The following KRT8 variants were observed in gnomAD, a reference collection of about 807,000 sequenced individuals.
KRT8 encodes keratin 8.
KRT8 carries 24 observed loss-of-function variants against 43.0 expected under a neutral mutation model. The observed-to-expected ratio is 0.56, with a 90% confidence interval of 0.40 to 0.78. KRT8 has a LOEUF of 0.78. Among genes scored for constraint, KRT8 ranks in the 30% least tolerant of loss-of-function variants. The pLI, the probability that KRT8 is intolerant of heterozygous loss-of-function variation, is 0.00. For synonymous variants in KRT8, 214 were observed against 261.2 expected (o/e 0.82, Z 1.74); for missense variants, 492 against 638.4 (o/e 0.77, Z 2.47).
At chr12:52,932,804 AT>A (rs1354931480) in intron 2 of KRT8, among the ~76,000 whole-genome samples, 3 of 151,962 alleles carry the variant, frequency 2.0e-5, no homozygotes, top group African/African-American at 7.3e-5. Flanking sequence ...TGTGTCTATA[AT>A]AAAAAAAAAA....
intron 2 of KRT8, among the ~76,000 whole-genome samples, chr12:52,916,052 C>CA (rs1285143996): frequency 6.6e-6 from 1 of 152,106 alleles, no homozygotes; most frequent in Non-Finnish European, 1.5e-5. Context: ...TGTGATAAGC[C>CA]ACTGGACAGG....
intron 2 of KRT8, among the ~76,000 whole-genome samples, chr12:52,922,334 CCCTGTA>C (rs1368526275): frequency 2.0e-5 from 3 of 151,996 alleles, no homozygotes; most frequent in Non-Finnish European, 4.4e-5. Flanking sequence ...GGCAGGCACT[CCCTGTA>C]CCATAGGTTT....
intron 2 of KRT8, among the ~76,000 whole-genome samples, chr12:52,917,580 A>G (rs2120638921): frequency 6.6e-6 from 1 of 151,734 alleles, no homozygotes; most frequent in Middle Eastern, 3.4e-3. Flanking sequence ...ATGGTGGCAC[A>G]TGCCTGTAAT....
intron 2 of KRT8, among the ~76,000 whole-genome samples, chr12:52,918,200 A>AAGAAGAAGAAGG (rs1565725675): frequency 5.0e-5 from 6 of 121,170 alleles, no homozygotes; most frequent in African/African-American, 2.1e-4. Flanking sequence ...GAAGAAGAAG[A>AAGAAGAAGAAGG]AGAACAAGAA....
chr12:52,942,215 C>T (rs144901103), intron 2 of KRT8, among the ~76,000 whole-genome samples: 3 of 152,250 alleles, frequency 2.0e-5, no homozygotes, highest in Non-Finnish European at 2.9e-5. Flanking sequence ...GCACCTGCTC[C>T]GCCCCAGGCC....
intron 2 of KRT8, among the ~76,000 whole-genome samples, chr12:52,916,356 G>A (rs1328252658): frequency 6.6e-6 from 1 of 152,248 alleles, no homozygotes; most frequent in Non-Finnish European, 1.5e-5. Context: ...AGAACCAACA[G>A]GAGGTGGCAG....
At chr12:52,944,340 C>T (rs1942311923) in intron 2 of KRT8, among the ~76,000 whole-genome samples, 6 of 152,184 alleles carry the variant, frequency 3.9e-5, no homozygotes, top group Admixed American at 3.9e-4. Context: ...AAGCGATTCT[C>T]CCACCTCAAC....
At chr12:52,928,614 A>C (rs1942033379) in intron 2 of KRT8, among the ~76,000 whole-genome samples, 2 of 152,070 alleles carry the variant, frequency 1.3e-5, no homozygotes, top group African/African-American at 4.8e-5. Flanking sequence ...TTAAAAAAAG[A>C]AAGAAAGGGG....
intron 2 of KRT8, chr12:52,949,043 C>G: frequency 4.6e-6 from 4 of 871,244 alleles, no homozygotes; most frequent in Non-Finnish European, 7.4e-6. Context: ...CCTGTGGCTC[C>G]GGCTTCCGAA....
intron 2 of KRT8, among the ~76,000 whole-genome samples, chr12:52,928,978 T>A (rs1005766526): frequency 4.6e-5 from 7 of 152,160 alleles, no homozygotes; most frequent in Admixed American, 3.3e-4. Flanking sequence ...TCTCCTTGCC[T>A]CTACAGCCAA....
At chr12:52,905,303 A>T (rs1941489423), upstream of KRT8, among the ~76,000 whole-genome samples, 1 of 152,154 alleles carries the variant, frequency 6.6e-6, no homozygotes, top group South Asian at 2.1e-4. Flanking sequence ...AGTGAATATG[A>T]AACTGGAAGA....
intron 2 of KRT8, among the ~76,000 whole-genome samples, chr12:52,942,076 C>CTTGA (rs1457108808): frequency 6.6e-6 from 1 of 152,054 alleles, no homozygotes; most frequent in Non-Finnish European, 1.5e-5. Context: ...TAATAATCTC[C>CTTGA]TTGATTATTA....
chr12:52,939,443 G>A (rs1223735267), intron 2 of KRT8, among the ~76,000 whole-genome samples: 1 of 152,100 alleles, frequency 6.6e-6, no homozygotes, highest in African/African-American at 2.4e-5. Context: ...GGTGGAAGGT[G>A]CAGTGAGCTG....
intron 2 of KRT8, among the ~76,000 whole-genome samples, chr12:52,932,509 T>C (rs534743175): frequency 6.6e-6 from 1 of 152,304 alleles, no homozygotes; most frequent in South Asian, 2.1e-4. Flanking sequence ...CCTGTAGGTA[T>C]GTTCTCATCA....
At chr12:52,912,744 A>G (rs899304261) in intron 2 of KRT8, among the ~76,000 whole-genome samples, 2 of 152,204 alleles carry the variant, frequency 1.3e-5, no homozygotes, top group Non-Finnish European at 1.5e-5. Flanking sequence ...TTCCATGGCC[A>G]TGGCCTCCAT....
chr12:52,898,393 C>A (rs1157485629), intron 7 of KRT8, 68 bp downstream of exon 7: 39 of 1,367,508 alleles, frequency 2.9e-5, no homozygotes, highest in Non-Finnish European at 3.7e-5. Context: ...AGCACAGCCC[C>A]CTCCCTGGAG....
At chr12:52,900,469 A>C in intron 4 of KRT8, 119 bp downstream of exon 4, 1 of 744,378 alleles carries the variant, frequency 1.3e-6, no homozygotes, top group Admixed American at 1.9e-5. Flanking sequence ...GTAATTAGTC[A>C]GCAGTGGGCC....
At chr12:52,941,506 G>A (rs1185513826) in intron 2 of KRT8, among the ~76,000 whole-genome samples, 1 of 32,974 alleles carries the variant, frequency 3.0e-5, no homozygotes, top group African/African-American at 1.6e-4. Context: ...TTTTTTTTTT[G>A]AGACAGTGTT....
intron 2 of KRT8, among the ~76,000 whole-genome samples, chr12:52,929,556 C>G (rs1010759991): frequency 2.0e-5 from 3 of 152,134 alleles, no homozygotes; most frequent in African/African-American, 7.2e-5. Flanking sequence ...CTTGCTATCT[C>G]TCTGGCCACT....
Sources: gnomAD v4.1 joint callset for allele counts (sites outside exome capture counted in the v4.1 genomes callset) on GRCh38, gnomAD v4.1.1 for gene constraint, MANE v1.5 for transcripts, NCBI Gene and HGNC (gene_info 2026-07-23, HGNC 2026-07-21) for gene names.